Variants in DNAJC1 observed in about 807,000 individuals in gnomAD.
DNAJC1 encodes the protein dnaJ homolog subfamily C member 1.
A neutral mutation model predicts 76.6 loss-of-function variants in DNAJC1; 58 were observed. The observed-to-expected ratio is 0.76, with a 90% CI of 0.61 to 0.94. The LOEUF (loss-of-function observed/expected upper bound fraction) is 0.94, where lower values mean the gene tolerates loss of function less well. DNAJC1 is among the 40% of genes least tolerant of loss of function. The pLI is 0.00. For missense variants in DNAJC1, 689 were observed against 677.3 expected, an observed-to-expected ratio of 1.02 and a Z score of -0.19; for synonymous variants, 258 against 267.9, an observed-to-expected ratio of 0.96 and a Z score of 0.36.
At chr10:21,997,361 T>C (rs1255179047) in intron 1 of DNAJC1, among the ~76,000 whole-genome samples, 2 of 152,222 alleles carry the variant, frequency 1.3e-5, no homozygotes, top group Non-Finnish European at 2.9e-5. Flanking sequence ...CAAATGGGCT[T>C]GCTAGCAATT....
At chr10:21,904,406 GGA>G in intron 7 of DNAJC1, 114 bp downstream of exon 7, 1 of 619,426 alleles carries the variant, frequency 1.6e-6, no homozygotes, top group Non-Finnish European at 2.5e-6. Flanking sequence ...CTAGGGAGTG[GGA>G]AAAAAAAAAA....
At chr10:21,809,614 GTATATA>G (rs1361433793) in intron 8 of DNAJC1, among the ~76,000 whole-genome samples, 1 of 151,382 alleles carries the variant, frequency 6.6e-6, no homozygotes, top group African/African-American at 2.4e-5. Context: ...CATATTAGAT[GTATATA>G]TCTAATATGT....
chr10:21,793,407 G>C (rs1285073883), intron 9 of DNAJC1, among the ~76,000 whole-genome samples: 2 of 152,150 alleles, frequency 1.3e-5, no homozygotes, highest in Non-Finnish European at 2.9e-5. Context: ...TCAGGAACAA[G>C]GCAAGTATGC....
chr10:21,891,193 AAAAT>A (rs1395541099), intron 7 of DNAJC1, among the ~76,000 whole-genome samples: 1 of 152,170 alleles, frequency 6.6e-6, no homozygotes, highest in Non-Finnish European at 1.5e-5. Context: ...CCATCTCAAA[AAAAT>A]AAATAAATAA....
chr10:21,796,677 G>C (rs764856052), intron 9 of DNAJC1, among the ~76,000 whole-genome samples: 2 of 151,942 alleles, frequency 1.3e-5, no homozygotes, highest in East Asian at 3.9e-4. Flanking sequence ...TTGTCATTTT[G>C]ATTTCTATTT....
chr10:21,947,411 C>T (rs1837521873), intron 1 of DNAJC1, among the ~76,000 whole-genome samples: 2 of 152,102 alleles, frequency 1.3e-5, no homozygotes, highest in Admixed American at 1.3e-4. Context: ...CTTGAGGCAG[C>T]AAGACTAGCC....
chr10:21,984,653 TATTTAA>T (rs1838210558), intron 1 of DNAJC1, among the ~76,000 whole-genome samples: 1 of 152,238 alleles, frequency 6.6e-6, no homozygotes, highest in African/African-American at 2.4e-5. Context: ...CTGCCATATA[TATTTAA>T]AATCATTTTT....
intron 9 of DNAJC1, among the ~76,000 whole-genome samples, chr10:21,788,715 C>T (rs1420429705): frequency 2.6e-5 from 4 of 152,280 alleles, no homozygotes; most frequent in South Asian, 4.2e-4. Context: ...TGGTGCCTCA[C>T]ATCCAGCGTC....
chr10:21,896,968 C>T (rs1209255861), intron 7 of DNAJC1, among the ~76,000 whole-genome samples: 5 of 152,118 alleles, frequency 3.3e-5, no homozygotes, highest in African/African-American at 7.2e-5. Context: ...TTGTGCCCTC[C>T]GGAGGATGTG....
chr10:21,906,782 T>TAA (rs1314777944), intron 6 of DNAJC1, among the ~76,000 whole-genome samples: 1 of 152,208 alleles, frequency 6.6e-6, no homozygotes, highest in Admixed American at 6.5e-5. Context: ...CAAAAGTACC[T>TAA]AACTTATAGG....
chr10:21,896,469 T>G (rs1836544370), intron 7 of DNAJC1, among the ~76,000 whole-genome samples: 1 of 152,144 alleles, frequency 6.6e-6, no homozygotes, highest in African/African-American at 2.4e-5. Flanking sequence ...TCTCCCTCTT[T>G]GCATGAGAAT....
In DNAJC1 at chr10:22,003,427, G is replaced by T. The variant is rs1365182573; in HGVS notation, c.8C>A (p.Ala3Asp). MT[A>D]PCSQPAQLPG... ...AAGCTGCGCCGGCTGGGAGCAAGGAGCCGTCATCGCGCTGGGCTCGGAAAG... is the reference window on the plus strand; with the variant it reads ...AAGCTGCGCCGGCTGGGAGCAAGGATCCGTCATCGCGCTGGGCTCGGAAAG... Residue 3 changes from alanine to aspartate, a missense_variant, in exon 1 of 12, where the codon GCT (alanine) becomes GAT (aspartate). Transcript: ENST00000376980. The T allele has an allele frequency of 3.7e-6, 5 of 1,364,994 alleles. No individual in the cohort carries two copies. The East Asian group carries it at 1.2e-4, about 34-fold the overall frequency. 84.6% of individuals were successfully genotyped at this position (1,364,994 alleles called of 1,614,324 possible). A position where few individuals can be genotyped will look rare whatever the true frequency, so the allele number is the denominator to read the frequency against.
At chr10:21,853,787 CAAAAAAAAAAAA>C (rs1011936425) in intron 8 of DNAJC1, among the ~76,000 whole-genome samples, 32 of 12,580 alleles carry the variant, frequency 2.5e-3, no homozygotes, top group Admixed American at 4.7e-3. Context: ...GACTCCATCT[CAAAAAAAAAAAA>C]AAAAAAAAAA....
intron 1 of DNAJC1, among the ~76,000 whole-genome samples, chr10:22,002,804 G>A (rs1426988844): frequency 6.6e-6 from 1 of 151,882 alleles, no homozygotes; most frequent in East Asian, 1.9e-4. Flanking sequence ...GGTGAGAAGC[G>A]GCTGCTCTTT....
At chr10:21,869,215 CAA>C (rs552376355) in intron 8 of DNAJC1, among the ~76,000 whole-genome samples, 8,038 of 94,502 alleles carry the variant, frequency 0.085, 559 homozygotes, top group African/African-American at 0.23. Flanking sequence ...GACCATATCT[CAA>C]AAAAAAAAAA....
chr10:21,820,796 AAT>A (rs1835146855), intron 8 of DNAJC1, among the ~76,000 whole-genome samples: 1 of 152,198 alleles, frequency 6.6e-6, no homozygotes, highest in South Asian at 2.1e-4. Context: ...AACCCAGGGA[AAT>A]ATGTTTTACT....
At chr10:21,842,850 G>C (rs1490398289) in intron 8 of DNAJC1, among the ~76,000 whole-genome samples, 1 of 152,104 alleles carries the variant, frequency 6.6e-6, no homozygotes, top group Non-Finnish European at 1.5e-5. Flanking sequence ...TCAAAAATTA[G>C]GAACAGTAAA....
intron 9 of DNAJC1, among the ~76,000 whole-genome samples, chr10:21,775,745 A>G (rs1415357238): frequency 6.6e-6 from 1 of 152,174 alleles, no homozygotes; most frequent in East Asian, 1.9e-4. Flanking sequence ...GTGCAGTTTC[A>G]GAAGATATAG....
At chr10:21,772,271 C>CTTTTTTTTTTTTTT (rs398045895) in intron 9 of DNAJC1, among the ~76,000 whole-genome samples, 1 of 93,044 alleles carries the variant, frequency 1.1e-5, no homozygotes, top group Non-Finnish European at 2.0e-5. Flanking sequence ...CACCCCTCTT[C>CTTTTTTTTTTTTTT]TTTTTTTTTT....
Sources: allele counts gnomAD v4.1 joint callset (sites outside exome capture counted in the v4.1 genomes callset), GRCh38; gene constraint gnomAD v4.1.1; transcripts MANE v1.5; gene names NCBI Gene and HGNC (gene_info 2026-07-23, HGNC 2026-07-21).